Variants in SNAPC4 observed in about 807,000 individuals in gnomAD.
The protein encoded by SNAPC4 is small nuclear RNA activating complex polypeptide 4.
A neutral mutation model predicts 151.3 loss-of-function variants in SNAPC4; 127 were observed. That is an observed-to-expected ratio of 0.84 (90% confidence interval 0.73 to 0.97). SNAPC4 has a LOEUF of 0.97. SNAPC4 is among the 50% of genes least tolerant of loss of function. SNAPC4 has a pLI of 0.00. For missense variants in SNAPC4, 2,186 were observed against 1,935.0 expected (o/e 1.13, Z -2.43); for synonymous variants, 1,002 against 824.4 (o/e 1.22, Z -3.69).
In SNAPC4 at chr9:136,392,549, G is replaced by A. The variant is rs755994469; in HGVS notation, c.783C>T (p.His261=). Residue 261 remains histidine (H), a synonymous_variant, in exon 9 of 24, where the codon CAC becomes CAT. Coordinates refer to ENST00000684778, the MANE Select transcript of SNAPC4 (RefSeq NM_003086.4). ...EALLGNRLDS[H]DWEKISNINF... is the part of the protein sequence containing the mutation. ...TAATATTGGAAATCTTCTCCCAGTC[G>A]TGGCTGTCCAGCCTGTTTCCCAGCA... The A allele has an allele frequency of 2.4e-5, 39 of 1,613,850 alleles. No individual in the cohort carries two copies. The highest frequency in any genetic ancestry group is 3.3e-4 in the Middle Eastern group (2 of 6,062).
intron 9 of SNAPC4, 35 bp from the exon 10 acceptor site, chr9:136,392,141 C>T: frequency 7.5e-6 from 12 of 1,608,596 alleles, no homozygotes; most frequent in Non-Finnish European, 1.0e-5. Flanking sequence ...TTGCAGGCCA[C>T]TGACCCCAGG....
chr9:136,387,450 C>A (rs754260123), intron 13 of SNAPC4, 35 bp downstream of exon 13: 4 of 1,460,592 alleles, frequency 2.7e-6, no homozygotes, highest in South Asian at 2.3e-5. Context: ...GTGACCCACA[C>A]GGGCCCCTCC....
rs772184956 is a variant in SNAPC4 at position 136,378,107 on chromosome 9, C to T, written c.3720G>A (p.Leu1240=). Residue 1240 remains leucine (L), a synonymous_variant, in exon 22 of 24, where the codon CTG becomes CTA. Coordinates refer to ENST00000684778, the MANE Select transcript of SNAPC4 (RefSeq NM_003086.4). ...TCTCAGGCCCAGGCTGGCGCAGGGG[C>T]AGCTTCTCCAGGCCCAGAGGCCCCC... The part of the protein sequence containing the change: ...EPRGPLGLEK[L]PLRQPGPEKG... 6.3e-7 allele frequency: 1 copy of T among 1,594,566 alleles called. No homozygotes were observed. The highest frequency in any genetic ancestry group is 1.1e-5 in the South Asian group (1 of 88,862).
chr9:136,379,022 G>T lies in SNAPC4; in HGVS notation c.2805C>A (p.His935Gln). The T allele has an allele frequency of 6.2e-7, 1 of 1,603,158 alleles. No homozygotes were observed. The highest frequency in any genetic ancestry group is 8.5e-7 in the Non-Finnish European group (1 of 1,175,808). Reference protein sequence around the residue: ...SSVILQPPLPHTPHGRPAPGP... With the variant: ...SSVILQPPLPQTPHGRPAPGP... ...CCGGGGCTGGGCGGCCGTGTGGGGT[G>T]TGTGGTAGAGGGGGCTGGAGGATCA... Residue 935 changes from histidine (H) to glutamine (Q), a missense_variant, in exon 22 of 24, where the codon CAC becomes CAA. By Grantham distance (24) the His-to-Gln change is conservative (BLOSUM62 0). Transcript: ENST00000684778.
Position 136,378,784 on chromosome 9 carries a change from A to G in SNAPC4, c.3043T>C (p.Ser1015Pro). ...QAPALGPGQI[S>P]VSCPESGLGQ... ...AGACCACTCTCGGGGCAGCTCACAG[A>G]GATCTGGCCGGGGCCCAGGGCAGGG... Residue 1015 changes from serine (S) to proline (P), a missense_variant, in exon 22 of 24, where the codon TCT becomes CCT. Ser to Pro is a moderately conservative substitution (Grantham distance 74). Coordinates refer to ENST00000684778, the MANE Select transcript of SNAPC4 (RefSeq NM_003086.4). 1.3e-6 allele frequency: 2 copies of G among 1,552,604 alleles called. No individual in the cohort carries two copies. The highest frequency in any genetic ancestry group is 1.7e-6 in the Non-Finnish European group (2 of 1,148,674).
At position 136,376,346 on chromosome 9, in the gene SNAPC4, C is replaced by A; in HGVS notation, c.*7+3G>T. ...GGCAGTGGCCTCCCCACTCAGGACT[C>A]ACCTGCTGCTCACACCAGCCGCCTC... On this transcript the variant is annotated splice_donor_region_variant and intron_variant, in intron 23 of 23. Transcript: ENST00000684778. 6.2e-7 allele frequency: 1 copy of A among 1,612,930 alleles called. No individual in the cohort carries two copies. The highest frequency in any genetic ancestry group is 8.5e-7 in the Non-Finnish European group (1 of 1,179,918).
Position 136,392,577 on chromosome 9 carries a change from G to T in SNAPC4, c.755C>A (p.Ala252Asp), listed in dbSNP as rs201243190. 6.2e-7 allele frequency: 1 copy of T among 1,613,908 alleles called. No individual in the cohort carries two copies. Among genetic ancestry groups the T allele is most frequent in the East Asian group, 2.2e-5 (1 of 44,876 alleles). ...GCTGTCCAGCCTGTTTCCCAGCAAG[G>T]CCTCTTCTGGAAGCTGGCTGGTGGA... Reference protein sequence around the residue: ...IQDINQLPEEALLGNRLDSHD... With the variant: ...IQDINQLPEEDLLGNRLDSHD... The change falls in exon 9 of 24, where the codon GCC becomes GAC. Residue 252 changes from alanine to aspartate, a missense_variant. Coordinates refer to ENST00000684778, the MANE Select transcript of SNAPC4 (RefSeq NM_003086.4).
At chr9:136,396,833 T>G in intron 3 of SNAPC4, 144 bp downstream of exon 3, 1 of 738,148 alleles carries the variant, frequency 1.4e-6, no homozygotes, top group Non-Finnish European at 2.4e-6. Context: ...GACAAATGCT[T>G]TTTAATTTTT....
chr9:136,384,872 G>T, intron 13 of SNAPC4, 58 bp from the exon 14 acceptor site: 1 of 893,998 alleles, frequency 1.1e-6, no homozygotes, highest in Non-Finnish European at 1.8e-6. Context: ...GCCCGCTGCT[G>T]CCCCAAGCTT....
At chr9:136,381,740 G>A (rs554162826) in intron 18 of SNAPC4, 84 bp downstream of exon 18, 6 of 1,508,138 alleles carry the variant, frequency 4.0e-6, no homozygotes, top group South Asian at 2.5e-5. Flanking sequence ...ACTTCCCCAA[G>A]TAGCCACCGT....
intron 20 of SNAPC4, among the ~76,000 whole-genome samples, chr9:136,380,476 C>T (rs529955140): frequency 1.8e-4 from 27 of 152,326 alleles, no homozygotes; most frequent in Middle Eastern, 3.4e-3. Context: ...CAGGCATCCC[C>T]GGCAGACAGC....
At chr9:136,395,027 G>A in intron 5 of SNAPC4, 149 bp from the exon 6 acceptor site, 1 of 790,242 alleles carries the variant, frequency 1.3e-6, no homozygotes, top group Non-Finnish European at 2.0e-6. Flanking sequence ...AACCCTGCCG[G>A]CCACTCCATG....
At position 136,383,100 on chromosome 9, in the gene SNAPC4, T is replaced by G; in HGVS notation, c.1983+86A>C. The stretch of plus-strand genomic sequence containing the variant: ...TGATGCACACGAACCCTGGGGCCCC[T>G]GCTGCTGCACTATCCCCAAGCGTCA... On this transcript the variant is annotated intron_variant, in intron 16 of 23. Coordinates refer to ENST00000684778, the MANE Select transcript of SNAPC4 (RefSeq NM_003086.4). This position sits in a 1 kb window ranked among gnomAD's most constrained non-coding sequence, Gnocchi z 4.2. The G allele has an allele frequency of 1.4e-6, 2 of 1,473,344 alleles. No homozygotes were observed. The highest frequency in any genetic ancestry group is 2.4e-5 in the East Asian group (1 of 41,976). 91.3% of individuals were successfully genotyped at this position (1,473,344 alleles called of 1,614,324 possible). A position where few individuals can be genotyped will look rare whatever the true frequency, so the allele number is the denominator to read the frequency against.
rs2131471416 is a variant in SNAPC4, at chr9:136,383,164, T to C, written c.1983+22A>G. 1 of 1,515,452 alleles carries C rather than the reference T, an allele frequency of 6.6e-7. No individual in the cohort carries two copies. The highest frequency in any genetic ancestry group is 1.3e-5 in the South Asian group (1 of 75,568). 93.9% of individuals were successfully genotyped at this position (1,515,452 alleles called of 1,614,324 possible). ...AGTGCCGAAAGTGCACTTCCCGTGG[T>C]ACACCCAGGGCCGGGGCCTACCTCC... On this transcript the variant is annotated intron_variant, in intron 16 of 23. Coordinates refer to ENST00000684778, the MANE Select transcript of SNAPC4 (RefSeq NM_003086.4). The surrounding 1 kb of genome is among the most constrained non-coding windows in gnomAD (Gnocchi z 4.2).
chr9:136,387,710 A>G, intron 12 of SNAPC4, 32 bp downstream of exon 12: 1 of 1,464,206 alleles, frequency 6.8e-7, no homozygotes, highest in Non-Finnish European at 9.6e-7. Context: ...ACCTTCCCAG[A>G]GCCCAGTTCT....
Position 136,397,006 on chromosome 9 carries a change from C to A in SNAPC4, c.148G>T (p.Asp50Tyr), listed in dbSNP as rs201038117. 6.2e-7 allele frequency: 1 copy of A among 1,612,894 alleles called. No individual in the cohort carries two copies. Among genetic ancestry groups the A allele is most frequent in the Middle Eastern group, 1.7e-4 (1 of 6,060 alleles). The change falls in exon 3 of 24, where the codon GAC becomes TAC. Residue 50 changes from aspartate to tyrosine, a missense_variant. Asp to Tyr is a radical substitution (Grantham distance 160). Coordinates refer to ENST00000684778, the MANE Select transcript of SNAPC4 (RefSeq NM_003086.4). ...DSEADSLPSE[D>Y]LDPADPPISE... ...ATCGGGGGATCGGCAGGATCCAAGTCCTCAGAAGGCAGTGAATCTGTCAGA... is the reference window on the plus strand; with the variant it reads ...ATCGGGGGATCGGCAGGATCCAAGTACTCAGAAGGCAGTGAATCTGTCAGA...
chr9:136,378,367 C>T lies in SNAPC4; in HGVS notation c.3460G>A (p.Ala1154Thr), dbSNP rs919982173. 1 of 1,611,038 alleles carries T rather than the reference C, an allele frequency of 6.2e-7. No homozygotes were observed. Among genetic ancestry groups the T allele is most frequent in the Non-Finnish European group, 8.5e-7 (1 of 1,179,450 alleles). The change falls in exon 22 of 24, where the codon GCT becomes ACT. Residue 1154 changes from alanine to threonine, a missense_variant. Ala to Thr is a moderately conservative substitution (Grantham distance 58, BLOSUM62 0). Coordinates refer to ENST00000684778, the MANE Select transcript of SNAPC4 (RefSeq NM_003086.4). ...TGGGAGAGGGCGTGTGTGGGAGGAG[C>T]TGGGGTGTCTGTCCTGCAGGAAGGC... is the stretch of plus-strand genomic sequence containing the variant. Reference protein sequence around the residue: ...PEPSCRTDTPAPPTHALSQSP... With the variant: ...PEPSCRTDTPTPPTHALSQSP...
In SNAPC4 at chr9:136,383,112, A is replaced by G. The variant is rs1833757825; in HGVS notation, c.1983+74T>C. ...ACCCTGGGGCCCCTGCTGCTGCACT[A>G]TCCCCAAGCGTCAGCCCTGGCGAGC... On this transcript the variant is annotated intron_variant, in intron 16 of 23. Transcript: ENST00000684778. This position sits in a 1 kb window ranked among gnomAD's most constrained non-coding sequence, Gnocchi z 4.2. 2.7e-6 allele frequency: 4 copies of G among 1,488,928 alleles called. No individual in the cohort carries two copies. Among genetic ancestry groups the G allele is most frequent in the African/African-American group, 1.4e-5 (1 of 71,008 alleles). 92.2% of individuals were successfully genotyped at this position (1,488,928 alleles called of 1,614,324 possible).
At chr9:136,382,390 G>T (rs536911742) in intron 16 of SNAPC4, 54 bp from the exon 17 acceptor site, 2 of 1,485,506 alleles carry the variant, frequency 1.3e-6, no homozygotes, top group South Asian at 2.3e-5. Flanking sequence ...GACACATGGG[G>T]GCCCTCCCCT....
Sources: gnomAD v4.1 joint callset for allele counts (sites outside exome capture counted in the v4.1 genomes callset) on GRCh38, gnomAD v4.1.1 for gene constraint, Gnocchi (gnomAD v3.1) non-coding constraint, MANE v1.5 for transcripts, NCBI Gene and HGNC (gene_info 2026-07-23, HGNC 2026-07-21) for gene names.